TGFB3: variants seen among roughly 807,000 people sequenced by gnomAD.
The protein encoded by TGFB3 is transforming growth factor beta-3 proprotein.
A neutral mutation model predicts 40.1 loss-of-function variants in TGFB3; 5 were observed. The observed-to-expected ratio is 0.12, with a 90% CI of 0.07 to 0.26. The LOEUF is 0.26. TGFB3 is among the 10% of genes least tolerant of loss of function. TGFB3 has a pLI of 1.00. For missense variants in TGFB3, 373 were observed against 530.1 expected (o/e 0.70, Z 2.91); for synonymous variants, 184 against 205.6 (o/e 0.89, Z 0.90).
intron 3 of TGFB3, among the ~76,000 whole-genome samples, chr14:75,966,896 G>T (rs1267054171): frequency 6.6e-6 from 1 of 152,222 alleles, no homozygotes; most frequent in Admixed American, 6.5e-5. Flanking sequence ...GGGAAGCTCT[G>T]TTGATCCTGG....
intron 1 of TGFB3, among the ~76,000 whole-genome samples, chr14:75,974,634 G>A (rs1232870420): frequency 6.6e-6 from 1 of 151,902 alleles, no homozygotes; most frequent in African/African-American, 2.4e-5. Flanking sequence ...GCATGATGGT[G>A]CATGCTTGTA....
intron 1 of TGFB3, among the ~76,000 whole-genome samples, chr14:75,973,669 C>T (rs1236716464): frequency 6.6e-6 from 1 of 152,222 alleles, no homozygotes; most frequent in African/African-American, 2.4e-5. Flanking sequence ...ATCACTTGAG[C>T]TCGGGAGGTC....
chr14:75,960,156 C>G (rs969340568), intron 6 of TGFB3: 1 of 152,158 alleles, frequency 6.6e-6, no homozygotes, highest in Non-Finnish European at 1.5e-5. Flanking sequence ...GTTGGCCAGG[C>G]TGGTCTCGAA....
At chr14:75,974,765 A>C (rs1465497182) in intron 1 of TGFB3, among the ~76,000 whole-genome samples, 2 of 16,182 alleles carry the variant, frequency 1.2e-4, no homozygotes, top group African/African-American at 2.0e-4. Context: ...ACTCCATCTC[A>C]AAAAAAAAAA....
intron 3 of TGFB3, among the ~76,000 whole-genome samples, chr14:75,969,683 T>C (rs2035264577): frequency 1.3e-5 from 2 of 152,198 alleles, no homozygotes; most frequent in Non-Finnish European, 2.9e-5. Flanking sequence ...GCCTCCAGGA[T>C]AGCTCTACTT....
chr14:75,961,143 C>T (rs1422505241), intron 5 of TGFB3, 67 bp from the exon 6 acceptor site: 1 of 1,571,692 alleles, frequency 6.4e-7, no homozygotes, highest in East Asian at 2.3e-5. Context: ...CATGAATGCT[C>T]TCATATTCTC....
chr14:75,973,579 C>T (rs539380830), intron 1 of TGFB3, among the ~76,000 whole-genome samples: 4 of 152,188 alleles, frequency 2.6e-5, no homozygotes, highest in Non-Finnish European at 5.9e-5. Flanking sequence ...GCATTGGCAA[C>T]CCTATCAAGG....
rs2035392149 is a variant in TGFB3, at chr14:75,979,245, T to C, written c.352+1297A>G. Among the ~76,000 whole-genome samples, 1 of 152,092 alleles carries C rather than the reference T, an allele frequency of 6.6e-6. No individual in the cohort carries two copies. Among genetic ancestry groups the C allele is most frequent in the South Asian group, 2.1e-4 (1 of 4,828 alleles). On this transcript the variant is annotated intron_variant, in intron 1 of 6. Coordinates refer to ENST00000238682, the MANE Select transcript of TGFB3 (RefSeq NM_003239.5). This position sits in a 1 kb window ranked among gnomAD's most constrained non-coding sequence, Gnocchi z 4.8. Reference sequence around the variant, plus strand: ...GAGCCGTGAACGGGGCCTTTGCACCTCCAGCCAGAGCTGGTCCACCCATCG... The same window carrying C: ...GAGCCGTGAACGGGGCCTTTGCACCCCCAGCCAGAGCTGGTCCACCCATCG...
intron 4 of TGFB3, among the ~76,000 whole-genome samples, chr14:75,963,857 G>A (rs1291497230): frequency 2.0e-5 from 3 of 150,772 alleles, no homozygotes; most frequent in Admixed American, 6.6e-5. Flanking sequence ...ACATATCTCC[G>A]GGTTGTCGGC....
rs886050802 is a variant in TGFB3, at chr14:75,981,439, A to AG, written c.-547dup. On this transcript the variant is annotated 5_prime_UTR_variant, in exon 1 of 7. Coordinates refer to ENST00000238682, the MANE Select transcript of TGFB3 (RefSeq NM_003239.5). The surrounding 1 kb of genome is among the most constrained non-coding windows in gnomAD (Gnocchi z 4.7). ...AAGGGAAAAAAAAGTAAAAAAAAAA[A>AG]GATCACCAGTGAGTAGGTGGGGAGA... The AG allele has an allele frequency of 1.1e-4, 20 of 184,214 alleles. No individual in the cohort carries two copies. Among genetic ancestry groups the AG allele is most frequent in the Non-Finnish European group, 1.8e-4 (16 of 86,698 alleles). 11.4% of individuals were successfully genotyped at this position (184,214 alleles called of 1,614,324 possible). A position where few individuals can be genotyped will look rare whatever the true frequency, so the allele number is the denominator to read the frequency against.
At chr14:75,961,946 A>G (rs1447763443) in intron 5 of TGFB3, among the ~76,000 whole-genome samples, 1 of 152,214 alleles carries the variant, frequency 6.6e-6, no homozygotes, top group African/African-American at 2.4e-5. Flanking sequence ...GGGTAAGGGC[A>G]AGTTCTGGCA....
At chr14:75,964,842 G>C (rs140432628) in intron 4 of TGFB3, among the ~76,000 whole-genome samples, 85 of 152,290 alleles carry the variant, frequency 5.6e-4, no homozygotes, top group Non-Finnish European at 8.8e-4. Context: ...GAGCCCATGT[G>C]GGGTAAGATC....
chr14:75,974,853 G>A (rs1007767366), intron 1 of TGFB3, among the ~76,000 whole-genome samples: 3 of 152,114 alleles, frequency 2.0e-5, no homozygotes, highest in African/African-American at 7.2e-5. Context: ...CACCTTGGGA[G>A]GCTGAGGTGG....
chr14:75,971,777 C>T lies in TGFB3; in HGVS notation c.353-59G>A, dbSNP rs2035297354. 6.3e-7 allele frequency: 1 copy of T among 1,596,470 alleles called. No homozygotes were observed. The highest frequency in any genetic ancestry group is 2.2e-5 in the East Asian group (1 of 44,606). On this transcript the variant is annotated intron_variant, in intron 1 of 6. Transcript: ENST00000238682. The surrounding 1 kb of genome is among the most constrained non-coding windows in gnomAD (Gnocchi z 4.5). ...GAGCGAGACATGCAGGAACAGTGTG[C>T]TGCCAACGGACAGGCACCAAGTGGC... is the stretch of plus-strand genomic sequence containing the variant.
Position 75,979,179 on chromosome 14 carries a change from G to A in TGFB3, c.352+1363C>T, listed in dbSNP as rs1407758269. Among the ~76,000 whole-genome samples, 1 of 152,116 alleles carries A rather than the reference G, an allele frequency of 6.6e-6. No homozygotes were observed. The highest frequency in any genetic ancestry group is 1.5e-5 in the Non-Finnish European group (1 of 68,008). ...AGGCAGCCACAGGAAGCTGGAGCGG[G>A]AACCCCTCGCCAGTAACCACAGGCT... is the stretch of plus-strand genomic sequence containing the variant. On this transcript the variant is annotated intron_variant, in intron 1 of 6. Coordinates refer to ENST00000238682, the MANE Select transcript of TGFB3 (RefSeq NM_003239.5). The surrounding 1 kb of genome is among the most constrained non-coding windows in gnomAD (Gnocchi z 4.8).
At chr14:75,975,665 A>G (rs1278424702) in intron 1 of TGFB3, among the ~76,000 whole-genome samples, 2 of 152,250 alleles carry the variant, frequency 1.3e-5, no homozygotes, top group Non-Finnish European at 2.9e-5. Context: ...CCAAGGTCAC[A>G]TAACTAGAAG....
intron 1 of TGFB3, among the ~76,000 whole-genome samples, chr14:75,973,499 G>T (rs2035317834): frequency 6.6e-6 from 1 of 152,252 alleles, no homozygotes; most frequent in African/African-American, 2.4e-5. Flanking sequence ...ACCAAGGAGA[G>T]AAATCAGTGA....
At chr14:75,974,330 G>C (rs1451841043) in intron 1 of TGFB3, among the ~76,000 whole-genome samples, 1 of 151,960 alleles carries the variant, frequency 6.6e-6, no homozygotes, top group Non-Finnish European at 1.5e-5. Context: ...ACACATCCTG[G>C]GGAGAATTTT....
chr14:75,970,920 C>A, intron 3 of TGFB3: 1 of 635,476 alleles, frequency 1.6e-6, no homozygotes, highest in Non-Finnish European at 2.7e-6. Context: ...TAGTTCCTAT[C>A]CCTGTGGCTG....
Sources: gnomAD v4.1 joint callset for allele counts (sites outside exome capture counted in the v4.1 genomes callset) on GRCh38, gnomAD v4.1.1 for gene constraint, Gnocchi (gnomAD v3.1) non-coding constraint, MANE v1.5 for transcripts, NCBI Gene and HGNC (gene_info 2026-07-23, HGNC 2026-07-21) for gene names.